MACF1: variants seen among roughly 807,000 people sequenced by gnomAD.
The protein encoded by MACF1 is microtubule-actin cross-linking factor 1.
A neutral mutation model predicts 854.8 loss-of-function variants in MACF1; 193 were observed. The ratio of observed to expected loss-of-function variants is 0.23; its 90% CI spans 0.20 to 0.25. The LOEUF is 0.25. Ranked by LOEUF, MACF1 falls within the 10% of genes least tolerant of loss-of-function variation. The pLI is 1.00. For synonymous variants in MACF1, 3,185 were observed against 3,226.7 expected (o/e 0.99, Z 0.44); for missense variants, 7,722 against 8,929.1 (o/e 0.86, Z 5.45).
intron 97 of MACF1, among the ~76,000 whole-genome samples, chr1:39,474,826 G>A (rs1212031687): frequency 6.6e-6 from 1 of 152,172 alleles, no homozygotes; most frequent in African/African-American, 2.4e-5. Flanking sequence ...AAAAGGAGGT[G>A]TTGCTTCAGC....
intron 51 of MACF1, among the ~76,000 whole-genome samples, chr1:39,370,640 T>A (rs1048999249): frequency 6.6e-6 from 1 of 152,226 alleles, no homozygotes; most frequent in Non-Finnish European, 1.5e-5. Flanking sequence ...AAGCCAAATA[T>A]GCCTCTGACT....
chr1:39,288,533 C>T (rs1645698849), intron 15 of MACF1, among the ~76,000 whole-genome samples: 1 of 149,568 alleles, frequency 6.7e-6, no homozygotes, highest in South Asian at 2.1e-4. Flanking sequence ...GGCGTGGTAG[C>T]TCACACCTGT....
At chr1:39,166,486 C>T (rs1266762089) in intron 2 of MACF1, among the ~76,000 whole-genome samples, 5 of 151,766 alleles carry the variant, frequency 3.3e-5, no homozygotes, top group African/African-American at 2.4e-5. Context: ...GATGGAATTT[C>T]GCTCTTATTG....
At chr1:39,327,515 G>A (rs1039070406) in intron 36 of MACF1, among the ~76,000 whole-genome samples, 162 bp downstream of exon 36, 5 of 152,132 alleles carry the variant, frequency 3.3e-5, no homozygotes, top group African/African-American at 1.2e-4. Flanking sequence ...CTTTACTGGG[G>A]TTCCATGATG....
Position 39,460,525 on chromosome 1 carries a change from C to T in MACF1, c.21361-107C>T. On this transcript the variant is annotated intron_variant, in intron 91 of 100. Transcript: ENST00000564288. This position sits in a 1 kb window ranked among gnomAD's most constrained non-coding sequence, Gnocchi z 4.1. The stretch of plus-strand genomic sequence containing the variant: ...AACACATAGATTTCATTGTTGATGG[C>T]CCCTGGAAGCATGGCTTTACTGAAT... 3.3e-6 allele frequency: 3 copies of T among 907,068 alleles called. No individual in the cohort carries two copies. The highest frequency in any genetic ancestry group is 3.9e-5 in the Admixed American group (2 of 50,780). 56.2% of individuals were successfully genotyped at this position (907,068 alleles called of 1,614,324 possible).
chr1:39,181,042 A>G (rs1267122517), intron 2 of MACF1, among the ~76,000 whole-genome samples: 1 of 152,154 alleles, frequency 6.6e-6, no homozygotes, highest in African/African-American at 2.4e-5. Context: ...AGCAGCTGGG[A>G]CTACAGGCGC....
intron 58 of MACF1, among the ~76,000 whole-genome samples, chr1:39,389,348 T>C (rs1359854487): frequency 5.8e-5 from 8 of 138,498 alleles, no homozygotes; most frequent in African/African-American, 2.3e-4. Context: ...CTGGTTTTTG[T>C]GTGTTTTTTT....
chr1:39,449,574 A>G (rs1411194836), intron 84 of MACF1, among the ~76,000 whole-genome samples: 2 of 150,682 alleles, frequency 1.3e-5, no homozygotes, highest in East Asian at 2.0e-4. Context: ...AGTTTTTTGT[A>G]TTTTTAGTAG....
At chr1:39,324,587 A>C (rs944121225) in intron 34 of MACF1, 59 bp from the exon 35 acceptor site, 16 of 1,388,972 alleles carry the variant, frequency 1.2e-5, no homozygotes, top group Non-Finnish European at 1.5e-5. Context: ...AATTTTAAAT[A>C]ATTTTTGACT....
rs911676764 is a variant in MACF1, at chr1:39,414,584, T to C, written c.15817-7790T>C. 3.9e-6 allele frequency: 6 copies of C among 1,523,628 alleles called. No individual in the cohort carries two copies. The African/African-American group carries it at 5.5e-5, about 14-fold the overall frequency. 94.4% of individuals were successfully genotyped at this position (1,523,628 alleles called of 1,614,324 possible). ...GCACAGATAGTTCTTTTGTTCTTTT[T>C]GGGTCTCCCGGGCTTATAGTTTGTA... On this transcript the variant is annotated intron_variant, in intron 58 of 100. Coordinates refer to ENST00000564288, the MANE Select transcript of MACF1 (RefSeq NM_001394062.1).
chr1:39,447,653 C>T (rs578122084), intron 81 of MACF1, 39 bp from the exon 82 acceptor site: 1 of 1,613,600 alleles, frequency 6.2e-7, no homozygotes, highest in African/African-American at 1.3e-5. Context: ...GCCCCTTTAT[C>T]TTATCTTAAG....
At chr1:39,253,137 A>G (rs1216286568) in intron 4 of MACF1, among the ~76,000 whole-genome samples, 1 of 152,204 alleles carries the variant, frequency 6.6e-6, no homozygotes, top group Non-Finnish European at 1.5e-5. Context: ...CTAGGGGTAG[A>G]TATCCCTTTC....
At chr1:39,222,191 C>T (rs1376505141) in intron 1 of MACF1, among the ~76,000 whole-genome samples, 1 of 152,208 alleles carries the variant, frequency 6.6e-6, no homozygotes, top group East Asian at 1.9e-4. Flanking sequence ...GTGACACAAT[C>T]TTGGCTCACT....
rs1641632013 is a variant in MACF1, at chr1:39,084,939, A to G, written c.220+501A>G. 6.6e-6 allele frequency among the ~76,000 whole-genome samples: 1 copy of G among 152,114 alleles called. No individual in the cohort carries two copies. Among genetic ancestry groups the G allele is most frequent in the Non-Finnish European group, 1.5e-5 (1 of 68,012 alleles). ...ATTTGACTTCTGTTATTTCCTTATA[A>G]TGAAATCCTTGGAGAGTACAGTTTT... On this transcript the variant is annotated intron_variant, in intron 2 of 93. Transcript: ENST00000361689. This position sits in a 1 kb window ranked among gnomAD's most constrained non-coding sequence, Gnocchi z 5.2.
At position 39,441,952 on chromosome 1, in the gene MACF1, G is replaced by T; in HGVS notation, c.18673G>T (p.Ala6225Ser). The change falls in exon 75 of 101, where the codon GCT becomes TCT. Residue 6225 changes from alanine (A) to serine (S), a missense_variant and splice_region_variant. By Grantham distance (99) the Ala-to-Ser change is moderately conservative. Coordinates refer to ENST00000564288, the MANE Select transcript of MACF1 (RefSeq NM_001394062.1). ...ACTGTTTACTTGTCTTTTGTTCTAG[G>T]CTATGTTTGACTGGCTAGATAACAC... is the stretch of plus-strand genomic sequence containing the variant. Reference protein sequence around the residue: ...AAVQYQDTLQAMFDWLDNTVI... With the variant: ...AAVQYQDTLQSMFDWLDNTVI... 1.2e-6 allele frequency: 2 copies of T among 1,612,456 alleles called. No individual in the cohort carries two copies. Among genetic ancestry groups the T allele is most frequent in the Admixed American group, 3.3e-5 (2 of 59,952 alleles).
intron 58 of MACF1, among the ~76,000 whole-genome samples, chr1:39,390,114 C>T (rs1641973372): frequency 6.6e-6 from 1 of 152,148 alleles, no homozygotes; most frequent in South Asian, 2.1e-4. Context: ...TAGAGTTTTC[C>T]TTGTGGTAAA....
intron 58 of MACF1, among the ~76,000 whole-genome samples, chr1:39,399,862 A>G (rs976486038): frequency 6.6e-6 from 1 of 152,232 alleles, no homozygotes; most frequent in African/African-American, 2.4e-5. Context: ...TGGTATATAC[A>G]CAGTTGGAGA....
intron 38 of MACF1, among the ~76,000 whole-genome samples, chr1:39,339,355 C>T (rs965238326): frequency 9.2e-5 from 14 of 152,170 alleles, no homozygotes; most frequent in Non-Finnish European, 2.1e-4. Flanking sequence ...AACTGGAGAT[C>T]TCTGAAGAAG....
upstream of MACF1, chr1:39,204,199 T>C (rs1571170165): frequency 6.6e-6 from 1 of 152,194 alleles, no homozygotes; most frequent in African/African-American, 2.4e-5. Context: ...GCTTCAACCC[T>C]AGAGGCGGAG....
Sources: allele counts gnomAD v4.1 joint callset (sites outside exome capture counted in the v4.1 genomes callset), GRCh38; gene constraint gnomAD v4.1.1; non-coding constraint Gnocchi (gnomAD v3.1); transcripts MANE v1.5; gene names NCBI Gene and HGNC (gene_info 2026-07-23, HGNC 2026-07-21).